The following CIRSR variants were observed in gnomAD, a reference collection of about 807,000 sequenced individuals.
CIRSR encodes corepressor of RBPJ and splicing regulator, also known as CBF1 (RBPJ) interacting corepressor 1.
At chr2:174,374,305 A>G in the CIRSR span, among the ~76,000 whole-genome samples, 19 of 152,200 alleles carry the variant, frequency 1.2e-4, no homozygotes, top group Non-Finnish European at 2.4e-4. Flanking sequence ...TATTAGCTAC[A>G]TAATTTAACA....
the CIRSR span, among the ~76,000 whole-genome samples, chr2:174,376,801 G>GAAA: frequency 9.4e-6 from 1 of 106,940 alleles, no homozygotes; most frequent in African/African-American, 3.7e-5. Context: ...CTGTCTCAGG[G>GAAA]AAAAAAAAAA....
the CIRSR span, among the ~76,000 whole-genome samples, chr2:174,375,321 A>AT: frequency 1.3e-5 from 2 of 152,308 alleles, no homozygotes; most frequent in East Asian, 3.9e-4. Flanking sequence ...TAAAATGTTC[A>AT]TTTTGGCTGG....
At chr2:174,371,963 C>CT in the CIRSR span, among the ~76,000 whole-genome samples, 2 of 151,970 alleles carry the variant, frequency 1.3e-5, no homozygotes, top group Non-Finnish European at 2.9e-5. Context: ...AATGAAAAGA[C>CT]TTTTTTTGTA....
the CIRSR span, chr2:174,350,715 G>A: frequency 6.2e-7 from 1 of 1,609,278 alleles, no homozygotes; most frequent in Non-Finnish European, 8.5e-7. Flanking sequence ...TCAACTTCTG[G>A]ATCTTCTTCA....
the CIRSR span, among the ~76,000 whole-genome samples, chr2:174,377,844 A>AC: frequency 1.3e-5 from 2 of 151,622 alleles, no homozygotes; most frequent in African/African-American, 2.4e-5. Flanking sequence ...AAAAAAAAAA[A>AC]AAACCAAACT....
At chr2:174,387,879 G>A in the CIRSR span, 52 of 1,020,224 alleles carry the variant, frequency 5.1e-5, no homozygotes, top group African/African-American at 8.2e-4. Context: ...ATTGTTTAAA[G>A]CAGGAGTGCC....
At chr2:174,395,405 A>C in the CIRSR span, 2 of 762,736 alleles carry the variant, frequency 2.6e-6, no homozygotes, top group Non-Finnish European at 2.2e-6. Flanking sequence ...GCTGCTCAGC[A>C]GAGAAAGGCG....
chr2:174,354,973 T>C, the CIRSR span, among the ~76,000 whole-genome samples: 1 of 151,382 alleles, frequency 6.6e-6, no homozygotes, highest in African/African-American at 2.4e-5. Flanking sequence ...AGTAATACTT[T>C]TCACAATGCA....
chr2:174,369,858 G>T, the CIRSR span: 1 of 1,117,564 alleles, frequency 8.9e-7, no homozygotes. Context: ...ACTGAGCACA[G>T]ATCACCATAA....
chr2:174,349,302 C>T, the CIRSR span: 6 of 580,878 alleles, frequency 1.0e-5, no homozygotes, highest in African/African-American at 5.8e-5. Flanking sequence ...CGCGCTGGCT[C>T]ATACCTGTAA....
the CIRSR span, chr2:174,379,056 T>C: frequency 1.3e-6 from 2 of 1,573,910 alleles, no homozygotes; most frequent in Non-Finnish European, 1.7e-6. Context: ...AAATAATGAA[T>C]GTGATTTTGG....
the CIRSR span, among the ~76,000 whole-genome samples, chr2:174,376,613 T>C: frequency 6.6e-6 from 1 of 151,518 alleles, no homozygotes; most frequent in Non-Finnish European, 1.5e-5. Flanking sequence ...CTGGCTAACA[T>C]GGTGAAACCC....
chr2:174,348,960 T>C, the CIRSR span: 1 of 1,601,076 alleles, frequency 6.2e-7, no homozygotes, highest in Non-Finnish European at 8.5e-7. Context: ...TGAACACTTG[T>C]TTTTCTTTCT....
At chr2:174,387,420 G>A in the CIRSR span, 1 of 292,496 alleles carries the variant, frequency 3.4e-6, no homozygotes, top group Non-Finnish European at 6.3e-6. Context: ...AGACATGATT[G>A]TTCTTCTAAG....
At chr2:174,376,815 A>G in the CIRSR span, among the ~76,000 whole-genome samples, 28 of 147,080 alleles carry the variant, frequency 1.9e-4, no homozygotes, top group Non-Finnish European at 4.5e-5. Flanking sequence ...AAAAAAAAAA[A>G]AAAAAGAAAG....
At chr2:174,373,691 C>A in the CIRSR span, among the ~76,000 whole-genome samples, 1 of 151,856 alleles carries the variant, frequency 6.6e-6, no homozygotes, top group African/African-American at 2.4e-5. Flanking sequence ...CTTTGCCATT[C>A]CCCTAGGGCT....
At chr2:174,378,828 C>A in the CIRSR span, 28 of 944,614 alleles carry the variant, frequency 3.0e-5, no homozygotes, top group East Asian at 5.8e-4. Flanking sequence ...CACACACAAA[C>A]CCAAATAAAA....
chr2:174,377,717 C>T, the CIRSR span, among the ~76,000 whole-genome samples: 4,533 of 136,774 alleles, frequency 0.033, 88 homozygotes, highest in Admixed American at 0.047. Context: ...GCTAGCTACT[C>T]GGGGGGCTGA....
the CIRSR span, among the ~76,000 whole-genome samples, chr2:174,374,833 C>T: frequency 2.0e-5 from 3 of 152,208 alleles, no homozygotes; most frequent in African/African-American, 7.2e-5. Context: ...CAGCATCCTT[C>T]CTGTCATTTA....
Sources: gnomAD v4.1 joint callset for allele counts (sites outside exome capture counted in the v4.1 genomes callset) on GRCh38, gnomAD v4.1.1 for gene constraint, MANE v1.5 for transcripts, NCBI Gene and HGNC (gene_info 2026-07-23, HGNC 2026-07-21) for gene names.